AADACL2: variants seen among roughly 807,000 people sequenced by gnomAD.
AADACL2 encodes the protein arylacetamide deacetylase like 2, also known as arylacetamide deacetylase-like 2.
Under a neutral mutation model 22.3 loss-of-function variants are expected in AADACL2, and 23 were observed. The ratio of observed to expected loss-of-function variants is 1.03; its 90% confidence interval spans 0.74 to 1.46. AADACL2 has a LOEUF of 1.46. AADACL2 is among the 40% of genes most tolerant of loss of function. The probability of loss-of-function intolerance (pLI) is 0.00; values close to 1 mark genes in which losing one functional copy is unlikely to be tolerated. For missense variants in AADACL2, 472 were observed against 482.9 expected (o/e 0.98, Z 0.21); for synonymous variants, 177 against 166.2 (o/e 1.07, Z -0.50).
rs1441250326 is a variant in AADACL2, at chr3:151,758,381, C to G, written c.*787C>G. 2 of 152,064 alleles carry G rather than the reference C, an allele frequency of 1.3e-5. No homozygotes were observed. The highest frequency in any genetic ancestry group is 2.9e-5 in the Non-Finnish European group (2 of 68,002). 9.4% of individuals were successfully genotyped at this position (152,064 alleles called of 1,614,324 possible). A position where few individuals can be genotyped will look rare whatever the true frequency, so the allele number is the denominator to read the frequency against. On this transcript the variant is annotated 3_prime_UTR_variant, in exon 5 of 5. Coordinates refer to ENST00000356517, the MANE Select transcript of AADACL2 (RefSeq NM_207365.4). ...TGTGTTTACATTTAGGAGGGTCCAC[C>G]TGAATAGTCTAGGATAATCTCTGCA...
intron 1 of AADACL2, among the ~76,000 whole-genome samples, chr3:151,735,724 C>T (rs776284758): frequency 2.6e-5 from 4 of 152,140 alleles, no homozygotes; most frequent in Non-Finnish European, 5.9e-5. Context: ...TGCCATTGCA[C>T]TCTAGCCTGG....
At chr3:151,741,052 T>C (rs1713265431) in intron 2 of AADACL2, among the ~76,000 whole-genome samples, 184 bp downstream of exon 2, 1 of 152,190 alleles carries the variant, frequency 6.6e-6, no homozygotes, top group African/African-American at 2.4e-5. Context: ...GTTTGGCAAC[T>C]AATATTATGG....
chr3:151,757,345 C>G lies in AADACL2; in HGVS notation c.957C>G (p.Pro319=). 6.2e-7 allele frequency: 1 copy of G among 1,613,764 alleles called. No individual in the cohort carries two copies. The highest frequency in any genetic ancestry group is 8.5e-7 in the Non-Finnish European group (1 of 1,179,724). ...GACTTACAGACAGCAGAGCATTACC[C>G]TTGTTGGCCAATGATTCTCAGTTAC... ...LPGLTDSRAL[P]LLANDSQLQN... The change falls in exon 5 of 5, where the codon CCC becomes CCG. Residue 319 remains proline, a synonymous_variant. Coordinates refer to ENST00000356517, the MANE Select transcript of AADACL2 (RefSeq NM_207365.4).
At chr3:151,747,190 CA>C (rs1219687703) in intron 4 of AADACL2, among the ~76,000 whole-genome samples, 2 of 152,120 alleles carry the variant, frequency 1.3e-5, no homozygotes, top group African/African-American at 4.8e-5. Flanking sequence ...AAACAATTAA[CA>C]AAAGCTAAGT....
chr3:151,754,404 C>T (rs948356975), intron 4 of AADACL2, among the ~76,000 whole-genome samples: 3 of 152,124 alleles, frequency 2.0e-5, no homozygotes, highest in South Asian at 2.1e-4. Flanking sequence ...TTGAAAAACA[C>T]GGCCTATAAC....
chr3:151,742,497 T>C (rs756307144), intron 2 of AADACL2, among the ~76,000 whole-genome samples: 2 of 152,132 alleles, frequency 1.3e-5, no homozygotes, highest in African/African-American at 4.8e-5. Context: ...AATGAAGACA[T>C]AGATTTGAAA....
chr3:151,755,519 T>C (rs1271261865), intron 4 of AADACL2, among the ~76,000 whole-genome samples: 1 of 152,174 alleles, frequency 6.6e-6, no homozygotes, highest in East Asian at 1.9e-4. Context: ...TTGTTAAGAC[T>C]ATGGCAAAAT....
intron 2 of AADACL2, 110 bp downstream of exon 2, chr3:151,740,978 T>C (rs1713263137): frequency 1.2e-6 from 1 of 840,274 alleles, no homozygotes; most frequent in Admixed American, 2.8e-5. Context: ...ATATATATAC[T>C]TGTCTGGATA....
intron 2 of AADACL2, among the ~76,000 whole-genome samples, chr3:151,742,702 T>C (rs185336534): frequency 6.6e-6 from 1 of 152,252 alleles, no homozygotes; most frequent in East Asian, 1.9e-4. Context: ...AAACATCCTG[T>C]TTGCGCCCCT....
At chr3:151,754,892 T>C (rs1713834388) in intron 4 of AADACL2, among the ~76,000 whole-genome samples, 1 of 152,120 alleles carries the variant, frequency 6.6e-6, no homozygotes, top group Non-Finnish European at 1.5e-5. Context: ...GAAATACATA[T>C]CCATTCCTTC....
chr3:151,750,054 T>C (rs1482031097), intron 4 of AADACL2, among the ~76,000 whole-genome samples: 2 of 152,200 alleles, frequency 1.3e-5, no homozygotes, highest in African/African-American at 2.4e-5. Context: ...TGAAAAGATA[T>C]TGCATTTTGT....
chr3:151,756,964 A>T (rs975189839), intron 4 of AADACL2, 28 bp from the exon 5 acceptor site: 1 of 1,536,054 alleles, frequency 6.5e-7, no homozygotes, highest in Non-Finnish European at 8.7e-7. Context: ...AAATGTTTGC[A>T]TTACAGAATA....
chr3:151,736,819 T>C (rs1713104473), intron 1 of AADACL2, among the ~76,000 whole-genome samples: 1 of 152,246 alleles, frequency 6.6e-6, no homozygotes, highest in Non-Finnish European at 1.5e-5. Flanking sequence ...GAAATATTCA[T>C]AATCCTTTGG....
At chr3:151,738,305 G>A (rs951350979) in intron 1 of AADACL2, among the ~76,000 whole-genome samples, 16 of 152,266 alleles carry the variant, frequency 1.1e-4, no homozygotes, top group African/African-American at 3.9e-4. Flanking sequence ...TTTTCTTTAA[G>A]AATGTTGAAT....
chr3:151,754,492 CT>C (rs1713801435), intron 4 of AADACL2, among the ~76,000 whole-genome samples: 4 of 151,978 alleles, frequency 2.6e-5, no homozygotes, highest in Admixed American at 1.3e-4. Flanking sequence ...GACAATTTTA[CT>C]GTAAATACCA....
At chr3:151,739,195 T>C (rs963942324) in intron 1 of AADACL2, among the ~76,000 whole-genome samples, 2 of 152,190 alleles carry the variant, frequency 1.3e-5, no homozygotes, top group African/African-American at 4.8e-5. Context: ...GGGTCCTTTT[T>C]GTTGATGTTG....
chr3:151,756,565 A>G (rs573489047), intron 4 of AADACL2, among the ~76,000 whole-genome samples: 2 of 152,080 alleles, frequency 1.3e-5, no homozygotes, highest in South Asian at 4.2e-4. Context: ...TTTAATAGCT[A>G]TATTTATTTC....
In AADACL2 at chr3:151,757,434, T is replaced by C. The variant is rs748116324; in HGVS notation, c.1046T>C (p.Met349Thr). 2.5e-6 allele frequency: 4 copies of C among 1,613,566 alleles called. No individual in the cohort carries two copies. Among genetic ancestry groups the C allele is most frequent in the African/African-American group, 1.3e-5 (1 of 74,916 alleles). The change falls in exon 5 of 5, where the codon ATG becomes ACG. Residue 349 changes from methionine to threonine, a missense_variant. Met to Thr is a moderately conservative substitution (Grantham distance 81, BLOSUM62 -1). Transcript: ENST00000356517. ...GATCTCTTAAGAGATGATGGACTTATGTATGTTACAAGACTTCGAAATGTT... is the reference window on the plus strand; with the variant it reads ...GATCTCTTAAGAGATGATGGACTTACGTATGTTACAAGACTTCGAAATGTT... ...QHDLLRDDGL[M>T]YVTRLRNVGV...
intron 2 of AADACL2, among the ~76,000 whole-genome samples, chr3:151,743,812 T>C (rs1475791951): frequency 6.6e-6 from 1 of 152,172 alleles, no homozygotes; most frequent in African/African-American, 2.4e-5. Flanking sequence ...AGACAGCAGA[T>C]GTCAAGACGA....
Sources: gnomAD v4.1 joint callset for allele counts (sites outside exome capture counted in the v4.1 genomes callset) on GRCh38, gnomAD v4.1.1 for gene constraint, MANE v1.5 for transcripts, NCBI Gene and HGNC (gene_info 2026-07-23, HGNC 2026-07-21) for gene names.